Variants in SLC14A2 observed in about 807,000 individuals in gnomAD.
SLC14A2 encodes the protein urea transporter 2.
A neutral mutation model predicts 104.6 loss-of-function variants in SLC14A2; 91 were observed. That is an observed-to-expected ratio of 0.87 (90% CI 0.73 to 1.04). SLC14A2 has a LOEUF of 1.04. Among genes scored for constraint, SLC14A2 ranks in the 50% least tolerant of loss-of-function variants. SLC14A2 has a pLI of 0.00. For missense variants in SLC14A2, 1,189 were observed against 1,156.0 expected, an observed-to-expected ratio of 1.03 and a Z score of -0.41; for synonymous variants, 476 against 466.4, an observed-to-expected ratio of 1.02 and a Z score of -0.27.
At chr18:45,438,924 C>T (rs1158132553) in intron 1 of SLC14A2, among the ~76,000 whole-genome samples, 2 of 152,138 alleles carry the variant, frequency 1.3e-5, no homozygotes, top group Non-Finnish European at 2.9e-5. Context: ...ATTCTCTGTA[C>T]CTCCAATGTT....
At chr18:45,179,453 G>T in the SLC14A2 span, among the ~76,000 whole-genome samples, 82 of 151,966 alleles carry the variant, frequency 5.4e-4, no homozygotes, top group African/African-American at 2.0e-3. Flanking sequence ...GTTTCTTAAT[G>T]CACTCTTTTG....
rs984639311 is a variant in SLC14A2 at position 45,484,241 on chromosome 18, C to A, written c.-35+919C>A. Among the ~76,000 whole-genome samples, 5 of 152,242 alleles carry A rather than the reference C, an allele frequency of 3.3e-5. No homozygotes were observed. In the South Asian group the frequency reaches 1.0e-3, roughly 32 times the overall value. On this transcript the variant is annotated intron_variant, in intron 2 of 20. Coordinates refer to the SLC14A2 transcript ENST00000586448. ...AAAATGAAGATGACACCCCCACTTC[C>A]TACCCAACTTGGCCTAAAATTGGCA... is the stretch of plus-strand genomic sequence containing the variant.
intron 1 of SLC14A2, among the ~76,000 whole-genome samples, chr18:45,215,097 A>T (rs1033980448): frequency 6.6e-6 from 1 of 152,168 alleles, no homozygotes; most frequent in Non-Finnish European, 1.5e-5. Context: ...TTCTTAAAAG[A>T]TGAGAAGACT....
intron 1 of SLC14A2, among the ~76,000 whole-genome samples, chr18:45,267,432 T>C (rs1200398718): frequency 6.6e-6 from 1 of 152,198 alleles, no homozygotes; most frequent in Admixed American, 6.5e-5. Flanking sequence ...TATTCCACTG[T>C]GCTGTCAACC....
chr18:45,267,287 C>A (rs2084601595), intron 1 of SLC14A2, among the ~76,000 whole-genome samples: 1 of 152,124 alleles, frequency 6.6e-6, no homozygotes, highest in African/African-American at 2.4e-5. Context: ...TGACTTTGCT[C>A]CCCAAGTTCA....
chr18:45,619,765 T>G (rs990434753), intron 1 of SLC14A2, among the ~76,000 whole-genome samples: 2 of 152,120 alleles, frequency 1.3e-5, no homozygotes, highest in Admixed American at 6.5e-5. Flanking sequence ...ATGGAAACTT[T>G]TGAAAGCTGT....
intron 1 of SLC14A2, among the ~76,000 whole-genome samples, chr18:45,361,901 G>A (rs984642264): frequency 3.3e-5 from 5 of 152,026 alleles, no homozygotes; most frequent in Non-Finnish European, 5.9e-5. Context: ...TCTTTTCCCC[G>A]GGAGCACCAC....
chr18:45,257,404 G>A (rs761348170), intron 1 of SLC14A2, among the ~76,000 whole-genome samples: 14 of 152,270 alleles, frequency 9.2e-5, no homozygotes, highest in East Asian at 1.9e-4. Context: ...CATACCTTAT[G>A]GCCCTTCTGC....
At chr18:45,625,198 C>G (rs1318758715) in intron 2 of SLC14A2, among the ~76,000 whole-genome samples, 2 of 152,184 alleles carry the variant, frequency 1.3e-5, no homozygotes, top group African/African-American at 2.4e-5. Context: ...TAGAGAGGGA[C>G]TCAAGACTGC....
rs143104982 is a variant in SLC14A2 at position 45,401,837 on chromosome 18, C to G, written c.-124-81396C>G. Among the ~76,000 whole-genome samples the G allele has an allele frequency of 9.8e-3, 1,496 of 152,174 alleles. 16 individuals carry two copies. Among genetic ancestry groups the G allele is most frequent in the African/African-American group, 0.024 (995 of 41,504 alleles). The stretch of plus-strand genomic sequence containing the variant: ...ACACTCCCTAAGACCACTGGTGATA[C>G]ATTAGATATGCTTGATGAGGAAGAG... On this transcript the variant is annotated intron_variant, in intron 1 of 20. Coordinates refer to the SLC14A2 transcript ENST00000586448.
intron 1 of SLC14A2, among the ~76,000 whole-genome samples, chr18:45,392,407 G>A (rs918204431): frequency 1.3e-5 from 2 of 152,196 alleles, no homozygotes; most frequent in Non-Finnish European, 2.9e-5. Context: ...GCCAATGAAA[G>A]CCTCATTGCC....
intron 2 of SLC14A2, among the ~76,000 whole-genome samples, chr18:45,509,016 T>C (rs866486153): frequency 6.6e-6 from 1 of 152,180 alleles, no homozygotes; most frequent in African/African-American, 2.4e-5. Context: ...AGAGGACCCA[T>C]GGCCCCAAAC....
At chr18:45,591,456 T>C (rs1437580908) in intron 2 of SLC14A2, among the ~76,000 whole-genome samples, 4 of 152,194 alleles carry the variant, frequency 2.6e-5, no homozygotes, top group African/African-American at 9.6e-5. Flanking sequence ...TGCCTCAGCC[T>C]CCCAAATAGC....
chr18:45,235,856 CAT>C (rs1213775587), intron 1 of SLC14A2, among the ~76,000 whole-genome samples: 1 of 75,480 alleles, frequency 1.3e-5, no homozygotes, highest in Non-Finnish European at 2.7e-5. Context: ...TGTATATATA[CAT>C]ATATGTGTGT....
At chr18:45,535,640 A>G (rs2144843285) in intron 2 of SLC14A2, among the ~76,000 whole-genome samples, 1 of 152,292 alleles carries the variant, frequency 6.6e-6, no homozygotes, top group Non-Finnish European at 1.5e-5. Context: ...GACTAGGAGT[A>G]TGTTTCCAAC....
chr18:45,399,105 C>T (rs1258155040), intron 1 of SLC14A2, among the ~76,000 whole-genome samples: 1 of 152,108 alleles, frequency 6.6e-6, no homozygotes, highest in Non-Finnish European at 1.5e-5. Flanking sequence ...TCTATGATTG[C>T]CCCCAATATT....
chr18:45,473,880 G>C (rs28816447), intron 1 of SLC14A2, among the ~76,000 whole-genome samples: 5 of 152,110 alleles, frequency 3.3e-5, no homozygotes, highest in Non-Finnish European at 5.9e-5. Flanking sequence ...TTTTTCTCTT[G>C]CCTGATTGCC....
chr18:45,397,190 T>C (rs1364495530), intron 1 of SLC14A2, among the ~76,000 whole-genome samples: 1 of 152,190 alleles, frequency 6.6e-6, no homozygotes, highest in African/African-American at 2.4e-5. Flanking sequence ...AGTAGTGAGA[T>C]TGCTGGGTTG....
intron 1 of SLC14A2, among the ~76,000 whole-genome samples, chr18:45,256,300 C>T (rs2084477538): frequency 6.6e-6 from 1 of 152,168 alleles, no homozygotes; most frequent in African/African-American, 2.4e-5. Context: ...GAGGTGTCAG[C>T]AACAGGGCCA....
Sources: gnomAD v4.1 joint callset for allele counts (sites outside exome capture counted in the v4.1 genomes callset) on GRCh38, gnomAD v4.1.1 for gene constraint, MANE v1.5 for transcripts, NCBI Gene and HGNC (gene_info 2026-07-23, HGNC 2026-07-21) for gene names.